Variants in ZNF324B observed in about 807,000 individuals in gnomAD.
ZNF324B encodes the protein zinc finger protein 324B.
Under a neutral mutation model 10.6 loss-of-function variants are expected in ZNF324B, and 7 were observed. The observed-to-expected ratio is 0.66, with a 90% CI of 0.38 to 1.24. The LOEUF is 1.24. ZNF324B is among the 50% of genes most tolerant of loss of function. The pLI, the probability that ZNF324B is intolerant of heterozygous loss-of-function variation, is 0.02. For missense variants in ZNF324B, 640 were observed against 764.7 expected (o/e 0.84, Z 1.92); for synonymous variants, 316 against 321.0 (o/e 0.98, Z 0.17).
At chr19:58,419,881 C>T in the ZNF324B span, among the ~76,000 whole-genome samples, 8 of 152,278 alleles carry the variant, frequency 5.3e-5, no homozygotes, top group East Asian at 1.9e-4. Flanking sequence ...GGTATGATCA[C>T]GGCTCACTGC....
chr19:58,453,744 TG>T lies in ZNF324B; in HGVS notation c.48del (p.Leu17SerfsTer13). 1 of 1,613,804 alleles carries T rather than the reference TG, an allele frequency of 6.2e-7. No homozygotes were observed. Among genetic ancestry groups the T allele is most frequent in the Non-Finnish European group, 8.5e-7 (1 of 1,179,924 alleles). On this transcript the variant is annotated frameshift_variant, in exon 2 of 4. Transcript: ENST00000336614. LOFTEE classifies it high-confidence loss of function. Reference protein sequence around the residue: ...DVAVYFSQEEWGLLDTAQRAL... With the variant: ...DVAVYFSQEEXGLLDTAQRAL... ...GGCCGTGTACTTCTCCCAGGAGGAG[TG>T]GGGGCTCCTGGACACAGCGCAGAGG...
chr19:58,434,749 G>A, the ZNF324B span: 1 of 1,614,076 alleles, frequency 6.2e-7, no homozygotes, highest in Non-Finnish European at 8.5e-7. Flanking sequence ...GAGTTTCTGT[G>A]TGGTACAGAC....
At chr19:58,425,294 G>C in the ZNF324B span, among the ~76,000 whole-genome samples, 1 of 151,464 alleles carries the variant, frequency 6.6e-6, no homozygotes, top group Non-Finnish European at 1.5e-5. Flanking sequence ...CTATTGCCCA[G>C]GCTGGTCTTA....
Position 58,456,784 on chromosome 19 carries a change from G to C in ZNF324B, c.*205G>C, listed in dbSNP as rs1568606392. The C allele has an allele frequency of 1.6e-6, 1 of 631,680 alleles. No individual in the cohort carries two copies. The highest frequency in any genetic ancestry group is 2.7e-6 in the Non-Finnish European group (1 of 367,708). 39.1% of individuals were successfully genotyped at this position (631,680 alleles called of 1,614,324 possible). A position where few individuals can be genotyped will look rare whatever the true frequency, so the allele number is the denominator to read the frequency against. On this transcript the variant is annotated 3_prime_UTR_variant, in exon 4 of 4. Transcript: ENST00000336614. This position sits in a 1 kb window ranked among gnomAD's most constrained non-coding sequence, Gnocchi z 4.7. ...CATAGCTCACACCTCCATCCTCAAA[G>C]AGGTAACACTGCAGAAACATCAGAG...
chr19:58,427,320 T>TTTCTTTCTTTCTTTCTTTCC, the ZNF324B span, among the ~76,000 whole-genome samples: 75 of 85,654 alleles, frequency 8.8e-4, 5 homozygotes, highest in East Asian at 0.019. Context: ...TCTTTCTTTC[T>TTTCTTTCTTTCTTTCTTTCC]TTCTTTCTTT....
upstream of ZNF324B, among the ~76,000 whole-genome samples, chr19:58,447,225 G>A (rs1308098614): frequency 1.3e-5 from 2 of 151,802 alleles, no homozygotes; most frequent in East Asian, 3.9e-4. Context: ...TGATCTGCCT[G>A]CCTCGGCCTC....
chr19:58,427,296 T>C, the ZNF324B span, among the ~76,000 whole-genome samples: 4 of 48,212 alleles, frequency 8.3e-5, no homozygotes, highest in South Asian at 8.0e-4. Flanking sequence ...GGCTTTTTTC[T>C]TTCTTTCTTT....
chr19:58,436,956 C>A, the ZNF324B span: 1 of 1,569,348 alleles, frequency 6.4e-7, no homozygotes, highest in South Asian at 1.1e-5. Context: ...GAAGCAGTAC[C>A]CATGATCTGG....
At chr19:58,435,874 G>A in the ZNF324B span, among the ~76,000 whole-genome samples, 5 of 152,128 alleles carry the variant, frequency 3.3e-5, no homozygotes, top group Non-Finnish European at 5.9e-5. Flanking sequence ...CTGAGTAGAC[G>A]GATTATAGGC....
At chr19:58,427,105 CT>C in the ZNF324B span, among the ~76,000 whole-genome samples, 25 of 149,460 alleles carry the variant, frequency 1.7e-4, no homozygotes, top group East Asian at 5.9e-4. Context: ...TATTAGGAAT[CT>C]TTTTTTTTTC....
chr19:58,445,169 T>A, the ZNF324B span: 1 of 288,972 alleles, frequency 3.5e-6, no homozygotes, highest in Non-Finnish European at 6.6e-6. Context: ...ACAAATGCAA[T>A]AACTACATGA....
At position 58,456,231 on chromosome 19, in the gene ZNF324B, G is replaced by C; in HGVS notation, c.1287G>C (p.Gln429His). Residue 429 changes from glutamine to histidine, a missense_variant, in exon 4 of 4, where the codon CAG becomes CAC. Transcript: ENST00000336614. The surrounding 1 kb of genome is among the most constrained non-coding windows in gnomAD (Gnocchi z 4.7). ...GCGAGAAGCCCTTCGCCTGCGCCCA[G>C]TGCGGCCGCTCCTTTAGCCGCAGCT... ...HTGEKPFACA[Q>H]CGRSFSRSSN... The C allele has an allele frequency of 6.2e-7, 1 of 1,613,058 alleles. No individual in the cohort carries two copies. The highest frequency in any genetic ancestry group is 8.5e-7 in the Non-Finnish European group (1 of 1,179,846).
chr19:58,448,215 G>T (rs2052836244), upstream of ZNF324B, among the ~76,000 whole-genome samples: 1 of 152,206 alleles, frequency 6.6e-6, no homozygotes, highest in African/African-American at 2.4e-5. Context: ...GAAAATGTGG[G>T]AATGTTTGGA....
the ZNF324B span, among the ~76,000 whole-genome samples, chr19:58,427,393 T>TC: frequency 5.9e-4 from 30 of 50,694 alleles, no homozygotes; most frequent in African/African-American, 2.5e-3. Flanking sequence ...TTTCTTTCTT[T>TC]CTTTCTTTCT....
chr19:58,436,228 T>G, the ZNF324B span: 3 of 154,408 alleles, frequency 1.9e-5, no homozygotes, highest in African/African-American at 7.2e-5. Context: ...TAATAGGACC[T>G]ACAGTTTCTC....
chr19:58,447,363 C>T (rs1002131545), upstream of ZNF324B, among the ~76,000 whole-genome samples: 4 of 152,314 alleles, frequency 2.6e-5, no homozygotes, highest in Non-Finnish European at 5.9e-5. Flanking sequence ...TAATCCTGTG[C>T]AGGGTAGGGG....
chr19:58,447,809 G>A (rs1338922327), upstream of ZNF324B, among the ~76,000 whole-genome samples: 1 of 152,198 alleles, frequency 6.6e-6, no homozygotes, highest in Non-Finnish European at 1.5e-5. Context: ...TTGTGGGAGG[G>A]ACCCAGTGGG....
At chr19:58,430,695 G>C in the ZNF324B span, 5 of 152,248 alleles carry the variant, frequency 3.3e-5, no homozygotes, top group African/African-American at 9.6e-5. Context: ...TGAATTTTTT[G>C]GTTATAGATA....
At chr19:58,441,672 T>C in the ZNF324B span, 3 of 152,218 alleles carry the variant, frequency 2.0e-5, no homozygotes, top group African/African-American at 7.2e-5. Flanking sequence ...AGAATTCTGG[T>C]GTGGCTTCAG....
Sources: gnomAD v4.1 joint callset for allele counts (sites outside exome capture counted in the v4.1 genomes callset) on GRCh38, gnomAD v4.1.1 for gene constraint, Gnocchi (gnomAD v3.1) non-coding constraint, MANE v1.5 for transcripts, NCBI Gene and HGNC (gene_info 2026-07-23, HGNC 2026-07-21) for gene names.